The following CRISPLD1 variants were observed in gnomAD, a reference collection of about 807,000 sequenced individuals.
CRISPLD1 encodes the protein cysteine-rich secretory protein LCCL domain-containing 1.
A neutral mutation model predicts 77.5 loss-of-function variants in CRISPLD1; 60 were observed. That is an observed-to-expected ratio of 0.77 (90% confidence interval 0.63 to 0.96). The LOEUF is 0.96. CRISPLD1 is among the 40% of genes least tolerant of loss of function. The pLI is 0.00. For synonymous variants in CRISPLD1, 195 were observed against 200.1 expected (o/e 0.97, Z 0.22); for missense variants, 623 against 615.8 (o/e 1.01, Z -0.12).
At position 75,017,348 on chromosome 8, in the gene CRISPLD1, A is replaced by G; in HGVS notation, c.1025A>G (p.His342Arg). The change falls in exon 10 of 15, where the codon CAT becomes CGT. Residue 342 changes from histidine to arginine, a missense_variant. Coordinates refer to ENST00000262207, the MANE Select transcript of CRISPLD1 (RefSeq NM_031461.6). The stretch of plus-strand genomic sequence containing the variant: ...TCCAGCATCTGTAGAGCTGCAATTC[A>G]TTATGGTATAATAGACAATGATGGT... The part of the protein sequence containing the change: ...MQSSICRAAI[H>R]YGIIDNDGGW... 6.2e-7 allele frequency: 1 copy of G among 1,608,856 alleles called. No homozygotes were observed. The highest frequency in any genetic ancestry group is 8.5e-7 in the Non-Finnish European group (1 of 1,178,518).
At chr8:75,026,176 G>C (rs901834734) in intron 13 of CRISPLD1, among the ~76,000 whole-genome samples, 18 of 152,162 alleles carry the variant, frequency 1.2e-4, no homozygotes, top group African/African-American at 4.1e-4. Context: ...CCTCAAACTC[G>C]GGCTCAAGTG....
chr8:75,000,677 C>G (rs1206640669), intron 2 of CRISPLD1, among the ~76,000 whole-genome samples: 1 of 152,084 alleles, frequency 6.6e-6, no homozygotes, highest in South Asian at 2.1e-4. Flanking sequence ...TCTCTGACTT[C>G]CATAGCCTCA....
intron 2 of CRISPLD1, among the ~76,000 whole-genome samples, chr8:75,002,746 A>G (rs912688692): frequency 2.6e-5 from 4 of 152,046 alleles, no homozygotes; most frequent in Non-Finnish European, 4.4e-5. Context: ...TCCTTGGCCA[A>G]ATCTAACCAG....
intron 2 of CRISPLD1, among the ~76,000 whole-genome samples, chr8:74,987,729 C>T (rs1465767448): frequency 6.6e-6 from 1 of 152,102 alleles, no homozygotes; most frequent in African/African-American, 2.4e-5. Flanking sequence ...GGAGCCCCTC[C>T]AACTAGGCTA....
Position 75,014,922 on chromosome 8 carries a change from A to G in CRISPLD1, c.727+10A>G, listed in dbSNP as rs746741807. ...AATCTGTGCTACAAAGGTAAGTGCT[A>G]TTGTGTTGTGGTATTCATGTTGATT... On this transcript the variant is annotated intron_variant, in intron 6 of 14. Transcript: ENST00000262207. The G allele has an allele frequency of 2.5e-5, 39 of 1,532,856 alleles. No individual in the cohort carries two copies. The highest frequency in any genetic ancestry group is 1.7e-4 in the Middle Eastern group (1 of 5,904). The allele number at this position is 1,532,856 out of a possible 1,614,324, so 95.0% of individuals were successfully genotyped here.
rs1813394026 is a variant in CRISPLD1 at position 75,033,702 on chromosome 8, AAAG to A, written c.*1463_*1465del. 1 of 152,044 alleles carries A rather than the reference AAAG, an allele frequency of 6.6e-6. No homozygotes were observed. The allele number at this position is 152,044 out of a possible 1,614,324, so 9.4% of individuals were successfully genotyped here. ...GGAAAGCAAGAGAGCAGATAATACA[AAAG>A]AAAAAGAAGAAGGTTCACATAAATA... On this transcript the variant is annotated 3_prime_UTR_variant, in exon 15 of 15. Coordinates refer to ENST00000262207, the MANE Select transcript of CRISPLD1 (RefSeq NM_031461.6).
At chr8:74,999,250 A>G (rs1050356447) in intron 2 of CRISPLD1, among the ~76,000 whole-genome samples, 5 of 152,326 alleles carry the variant, frequency 3.3e-5, no homozygotes, top group African/African-American at 9.6e-5. Context: ...CAGATTTTCT[A>G]TATTGGCAGC....
intron 10 of CRISPLD1, among the ~76,000 whole-genome samples, chr8:75,018,947 A>G (rs190995671): frequency 7.9e-5 from 12 of 152,324 alleles, no homozygotes; most frequent in Admixed American, 4.6e-4. Context: ...AACATTTATT[A>G]CTTTCAATAA....
chr8:74,991,719 G>A (rs764691060), intron 2 of CRISPLD1, among the ~76,000 whole-genome samples: 1 of 152,032 alleles, frequency 6.6e-6, no homozygotes, highest in Non-Finnish European at 1.5e-5. Flanking sequence ...TAGTAAAGAT[G>A]GGGTTTCACT....
chr8:74,994,738 A>G (rs144915025), intron 2 of CRISPLD1, among the ~76,000 whole-genome samples: 24 of 152,280 alleles, frequency 1.6e-4, no homozygotes, highest in Non-Finnish European at 2.9e-4. Context: ...CTGCCCAGCA[A>G]TCATTATTAA....
intron 2 of CRISPLD1, among the ~76,000 whole-genome samples, chr8:75,010,142 A>G (rs1812903354): frequency 1.3e-5 from 2 of 152,234 alleles, no homozygotes; most frequent in South Asian, 4.1e-4. Context: ...TATTTTTGCT[A>G]GAAAATTAAG....
At chr8:75,012,856 T>G (rs774986499) in intron 3 of CRISPLD1, 34 bp from the exon 4 acceptor site, 3 of 1,583,960 alleles carry the variant, frequency 1.9e-6, no homozygotes, top group Non-Finnish European at 2.6e-6. Flanking sequence ...TCTCCAACTT[T>G]GCTTGCCCTC....
At chr8:74,996,399 GA>G (rs1480726415) in intron 2 of CRISPLD1, among the ~76,000 whole-genome samples, 1 of 152,098 alleles carries the variant, frequency 6.6e-6, no homozygotes, top group Non-Finnish European at 1.5e-5. Flanking sequence ...TAATGCTGAG[GA>G]ATGCATTAGT....
intron 13 of CRISPLD1, among the ~76,000 whole-genome samples, chr8:75,027,384 A>G (rs1813252318): frequency 6.6e-6 from 1 of 152,252 alleles, no homozygotes; most frequent in Non-Finnish European, 1.5e-5. Flanking sequence ...AGATTTCCAA[A>G]GAAATCATAC....
intron 4 of CRISPLD1, among the ~76,000 whole-genome samples, chr8:75,013,603 A>G (rs989094207): frequency 6.6e-6 from 1 of 152,146 alleles, no homozygotes; most frequent in Non-Finnish European, 1.5e-5. Context: ...TGTATAAGAA[A>G]TCTGAACATG....
chr8:75,002,501 T>A (rs76011586), intron 2 of CRISPLD1, among the ~76,000 whole-genome samples: 10,802 of 144,350 alleles, frequency 0.075, 426 homozygotes, highest in South Asian at 0.094. Flanking sequence ...AAAAAAAAAA[T>A]AATAATAATG....
chr8:75,007,488 A>T (rs1427856689), intron 2 of CRISPLD1, among the ~76,000 whole-genome samples: 1 of 152,024 alleles, frequency 6.6e-6, no homozygotes, highest in Non-Finnish European at 1.5e-5. Context: ...GTATCTAGAT[A>T]GCTGCATAAT....
At chr8:75,021,644 A>G (rs1010970187) in intron 12 of CRISPLD1, among the ~76,000 whole-genome samples, 2 of 152,186 alleles carry the variant, frequency 1.3e-5, no homozygotes, top group Non-Finnish European at 2.9e-5. Context: ...TCCTCTTATA[A>G]GGCTCACATA....
chr8:75,021,258 C>T (rs1480957081), intron 12 of CRISPLD1, among the ~76,000 whole-genome samples: 1 of 152,122 alleles, frequency 6.6e-6, no homozygotes, highest in Non-Finnish European at 1.5e-5. Flanking sequence ...ATCTTTATAG[C>T]GGAAGACTGT....
Sources: allele counts gnomAD v4.1 joint callset (sites outside exome capture counted in the v4.1 genomes callset), GRCh38; gene constraint gnomAD v4.1.1; transcripts MANE v1.5; gene names NCBI Gene and HGNC (gene_info 2026-07-23, HGNC 2026-07-21).